The following FMN1 variants were observed in gnomAD, a reference collection of about 807,000 sequenced individuals.
FMN1 encodes formin-1.
Under a neutral mutation model 132.4 loss-of-function variants are expected in FMN1, and 110 were observed. The ratio of observed to expected loss-of-function variants is 0.83; its 90% confidence interval spans 0.71 to 0.97. The LOEUF (loss-of-function observed/expected upper bound fraction) is 0.97. Among genes scored for constraint, FMN1 ranks in the 50% least tolerant of loss-of-function variants. The pLI is 0.00. For missense variants in FMN1, 1,792 were observed against 1,705.3 expected, an observed-to-expected ratio of 1.05 and a Z score of -0.90; for synonymous variants, 722 against 651.7, an observed-to-expected ratio of 1.11 and a Z score of -1.64.
At chr15:33,012,741 T>C (rs2034800284) in intron 6 of FMN1, 1 of 745,322 alleles carries the variant, frequency 1.3e-6, no homozygotes, top group Non-Finnish European at 2.5e-6. Flanking sequence ...ATGGAGGTGG[T>C]TTTGGTGGGA....
At chr15:32,983,036 T>G (rs1290309859) in intron 7 of FMN1, among the ~76,000 whole-genome samples, 1 of 152,078 alleles carries the variant, frequency 6.6e-6, no homozygotes, top group Non-Finnish European at 1.5e-5. Flanking sequence ...CACGCACACA[T>G]AGACGCACAC....
At chr15:32,999,431 A>C (rs867779280) in intron 7 of FMN1, among the ~76,000 whole-genome samples, 1 of 152,232 alleles carries the variant, frequency 6.6e-6, no homozygotes, top group South Asian at 2.1e-4. Flanking sequence ...AAAATGAGGA[A>C]GTCTACAAGT....
chr15:33,176,152 A>G (rs1387611256), intron 3 of FMN1, among the ~76,000 whole-genome samples: 5 of 152,104 alleles, frequency 3.3e-5, no homozygotes, highest in African/African-American at 1.2e-4. Flanking sequence ...AGGAGGGTGG[A>G]TCAAGAGGTC....
intron 9 of FMN1, among the ~76,000 whole-genome samples, chr15:32,934,407 T>G (rs936951581): frequency 1.3e-5 from 2 of 152,202 alleles, no homozygotes; most frequent in African/African-American, 4.8e-5. Context: ...TGTATTTATC[T>G]GTATATATAC....
rs140346376 is a variant in FMN1, at chr15:32,933,827, C to T, written c.3139-7566G>A. Among the ~76,000 whole-genome samples the T allele has an allele frequency of 3.9e-3, 594 of 152,172 alleles. 6 individuals carry two copies. The highest frequency in any genetic ancestry group is 0.014 in the African/African-American group (564 of 41,508). On this transcript the variant is annotated intron_variant, in intron 9 of 20. Transcript: ENST00000616417. Reference sequence around the variant, plus strand: ...TCAGTTGTTGGTTTTTTTAAATTAACTCTTGGAATATCTTTTTCCATCCCT... The same window carrying T: ...TCAGTTGTTGGTTTTTTTAAATTAATTCTTGGAATATCTTTTTCCATCCCT...
intron 5 of FMN1, among the ~76,000 whole-genome samples, chr15:33,071,339 C>T (rs1222001627): frequency 6.6e-6 from 1 of 152,174 alleles, no homozygotes; most frequent in Non-Finnish European, 1.5e-5. Flanking sequence ...ACACGGAATC[C>T]TCTGGGCTCA....
chr15:33,010,309 G>T (rs557622618), intron 6 of FMN1, among the ~76,000 whole-genome samples: 2 of 152,242 alleles, frequency 1.3e-5, no homozygotes, highest in East Asian at 3.9e-4. Context: ...GTTAGAGATG[G>T]GGGTTTGGGG....
chr15:33,048,689 A>C (rs1016801366), intron 6 of FMN1, among the ~76,000 whole-genome samples: 3 of 147,890 alleles, frequency 2.0e-5, no homozygotes, highest in Non-Finnish European at 3.0e-5. Context: ...ATGGCTGAGA[A>C]GGCCTCACAA....
chr15:33,093,616 T>A (rs1234211139), intron 4 of FMN1, among the ~76,000 whole-genome samples: 1 of 152,178 alleles, frequency 6.6e-6, no homozygotes. Context: ...ACCACCTAGG[T>A]AGATACAATT....
intron 4 of FMN1, among the ~76,000 whole-genome samples, chr15:33,099,773 TAG>T (rs2039224190): frequency 6.6e-6 from 1 of 152,228 alleles, no homozygotes; most frequent in African/African-American, 2.4e-5. Flanking sequence ...AAAAGTCATC[TAG>T]TTTTCTCACT....
intron 8 of FMN1, among the ~76,000 whole-genome samples, chr15:32,967,724 G>T (rs559635547): frequency 6.6e-6 from 1 of 152,192 alleles, no homozygotes. Context: ...CTTAGTTTTA[G>T]GGTATTCCCC....
chr15:33,157,360 G>A (rs1195586496), intron 3 of FMN1, among the ~76,000 whole-genome samples: 1 of 151,948 alleles, frequency 6.6e-6, no homozygotes, highest in Admixed American at 6.5e-5. Context: ...CCCTAAGAGA[G>A]GGAATTTGTA....
intron 5 of FMN1, among the ~76,000 whole-genome samples, 191 bp downstream of exon 5, chr15:33,088,608 A>G (rs2038790200): frequency 6.6e-6 from 1 of 152,234 alleles, no homozygotes. Flanking sequence ...ACAAGTTGCT[A>G]GTTACTTTCT....
intron 9 of FMN1, among the ~76,000 whole-genome samples, chr15:32,933,965 C>G (rs1377839449): frequency 6.6e-6 from 1 of 152,076 alleles, no homozygotes; most frequent in Non-Finnish European, 1.5e-5. Flanking sequence ...GAAATTTTCT[C>G]TATTTGCATT....
At chr15:32,964,460 G>A (rs57916607) in intron 8 of FMN1, among the ~76,000 whole-genome samples, 2,085 of 152,196 alleles carry the variant, frequency 0.014, 49 homozygotes, top group African/African-American at 0.048. Flanking sequence ...ACACACAGAC[G>A]TATTTCCAAA....
chr15:33,157,090 C>A (rs894440500), intron 3 of FMN1, among the ~76,000 whole-genome samples: 2 of 151,914 alleles, frequency 1.3e-5, no homozygotes, highest in South Asian at 4.2e-4. Context: ...ACATGGTAAA[C>A]CCCGTCTCTA....
intron 5 of FMN1, among the ~76,000 whole-genome samples, chr15:33,073,757 G>T (rs1595410610): frequency 2.7e-5 from 4 of 150,132 alleles, no homozygotes; most frequent in African/African-American, 7.4e-5. Flanking sequence ...TTGAGACAGG[G>T]TCTCACTGCG....
chr15:32,946,344 T>C (rs2061511208), intron 9 of FMN1, among the ~76,000 whole-genome samples: 1 of 152,118 alleles, frequency 6.6e-6, no homozygotes, highest in South Asian at 2.1e-4. Flanking sequence ...TCTACACCCA[T>C]CTTGACTGGA....
intron 9 of FMN1, among the ~76,000 whole-genome samples, chr15:32,941,364 T>C (rs1198065320): frequency 6.6e-6 from 1 of 152,240 alleles, no homozygotes; most frequent in Non-Finnish European, 1.5e-5. Flanking sequence ...CCTACAAATT[T>C]CATCTAATTT....
Sources: allele counts gnomAD v4.1 joint callset (sites outside exome capture counted in the v4.1 genomes callset), GRCh38; gene constraint gnomAD v4.1.1; transcripts MANE v1.5; gene names NCBI Gene and HGNC (gene_info 2026-07-23, HGNC 2026-07-21).